The following ACADL variants were observed in gnomAD, a reference collection of about 807,000 sequenced individuals.
ACADL encodes long-chain specific acyl-CoA dehydrogenase, mitochondrial.
Under a neutral mutation model 56.9 loss-of-function variants are expected in ACADL, and 60 were observed. The observed-to-expected ratio is 1.05, with a 90% CI of 0.86 to 1.31. The LOEUF is 1.31. Among genes scored for constraint, ACADL ranks in the 50% most tolerant of loss-of-function variants. The pLI is 0.00. For missense variants in ACADL, 484 were observed against 525.5 expected (o/e 0.92, Z 0.77); for synonymous variants, 158 against 179.7 (o/e 0.88, Z 0.97).
chr2:210,224,569 C>CT (rs1689235197), intron 1 of ACADL: 1 of 985,326 alleles, frequency 1.0e-6, no homozygotes, highest in African/African-American at 1.7e-5. Context: ...TACTTAGACT[C>CT]TGTCTTCATT....
At chr2:210,201,814 TG>T (rs1431611402) in intron 8 of ACADL, among the ~76,000 whole-genome samples, 2 of 152,176 alleles carry the variant, frequency 1.3e-5, no homozygotes, top group Non-Finnish European at 2.9e-5. Context: ...GCATATTTAG[TG>T]ACTGCGGCCA....
Position 210,220,629 on chromosome 2 carries a change from G to A in ACADL, c.233+18C>T, listed in dbSNP as rs762346475. On this transcript the variant is annotated intron_variant, in intron 2 of 10. Coordinates refer to ENST00000233710, the MANE Select transcript of ACADL (RefSeq NM_001608.4). ...TACCCCTAGTATACATTACATTAGA[G>A]GAAAATGTGCCACTTACTCTGAGTG... The A allele has an allele frequency of 6.2e-7, 1 of 1,611,094 alleles. No individual in the cohort carries two copies.
intron 1 of ACADL, among the ~76,000 whole-genome samples, chr2:210,222,982 G>A (rs1689202694): frequency 6.6e-6 from 1 of 152,148 alleles, no homozygotes; most frequent in African/African-American, 2.4e-5. Flanking sequence ...TAGGAAACTG[G>A]GGCTGTAAGA....
intron 8 of ACADL, among the ~76,000 whole-genome samples, chr2:210,201,060 C>T (rs956931807): frequency 6.6e-6 from 1 of 152,172 alleles, no homozygotes; most frequent in South Asian, 2.1e-4. Flanking sequence ...CTGCCCTTTC[C>T]CAACTGATCC....
At chr2:210,224,590 A>C (rs1407175524) in intron 1 of ACADL, 1 of 985,290 alleles carries the variant, frequency 1.0e-6, no homozygotes, top group Non-Finnish European at 1.2e-6. Context: ...AATCCTCTGT[A>C]TTTAGTTAGA....
chr2:210,204,099 G>T (rs1020438136), intron 7 of ACADL, among the ~76,000 whole-genome samples: 3 of 152,128 alleles, frequency 2.0e-5, no homozygotes, highest in African/African-American at 4.8e-5. Flanking sequence ...CCTTACACTG[G>T]CATCTGAGGC....
chr2:210,201,475 A>G (rs1477455625), intron 8 of ACADL, among the ~76,000 whole-genome samples: 1 of 152,228 alleles, frequency 6.6e-6, no homozygotes. Flanking sequence ...TTGCAAATCA[A>G]ATACATTTTA....
At chr2:210,206,574 A>C (rs79853533) in intron 5 of ACADL, among the ~76,000 whole-genome samples, 1,632 of 152,310 alleles carry the variant, frequency 0.011, 26 homozygotes, top group African/African-American at 0.035. Flanking sequence ...CTTCCTTTAA[A>C]ATGGTCTAAA....
chr2:210,190,712 C>T (rs1312877718), intron 10 of ACADL, among the ~76,000 whole-genome samples: 3 of 151,532 alleles, frequency 2.0e-5, no homozygotes, highest in Admixed American at 6.6e-5. Context: ...AAGACAAAAA[C>T]AAAAAAACAA....
intron 5 of ACADL, 48 bp downstream of exon 5, chr2:210,210,148 A>C (rs1230835283): frequency 7.4e-7 from 1 of 1,352,798 alleles, no homozygotes; most frequent in East Asian, 2.3e-5. Context: ...ATTGTTACCC[A>C]TGGCATGACT....
chr2:210,219,219 T>A (rs1329230642), intron 2 of ACADL, among the ~76,000 whole-genome samples: 1 of 152,212 alleles, frequency 6.6e-6, no homozygotes, highest in Non-Finnish European at 1.5e-5. Context: ...TTCTTAACAT[T>A]TTTTCTGGAA....
intron 8 of ACADL, among the ~76,000 whole-genome samples, chr2:210,197,293 T>C (rs1234446943): frequency 6.6e-6 from 1 of 151,914 alleles, no homozygotes; most frequent in Non-Finnish European, 1.5e-5. Context: ...TCCTTCCATC[T>C]CTGTATTCTG....
rs749610049 is a variant in ACADL at position 210,218,505 on chromosome 2, G to A, written c.234-403C>T. 2.0e-5 allele frequency: 4 copies of A among 205,052 alleles called. No individual in the cohort carries two copies. In the South Asian group the frequency reaches 3.1e-4, roughly 16 times the overall value. 12.7% of individuals were successfully genotyped at this position (205,052 alleles called of 1,614,324 possible). The stretch of plus-strand genomic sequence containing the variant: ...TCTTATTATGTTGCCCATGCTGGTC[G>A]TGAACTCTTGGCCTCAAGCAGTCCT... On this transcript the variant is annotated intron_variant, in intron 2 of 10. Transcript: ENST00000233710.
rs61731470 is a variant in ACADL, at chr2:210,220,767, G to A, written c.113C>T (p.Thr38Ile). 0.027 allele frequency: 42,778 copies of A among 1,609,676 alleles called. 706 individuals are homozygous for A. The highest frequency in any genetic ancestry group is 0.035 in the Middle Eastern group (188 of 5,306). The part of the protein sequence containing the change: ...SHSGGEERLE[T>I]PSAKKLTDIG... Reference sequence around the variant, plus strand: ...ATCTGTTAATTTTTTAGCAGAAGGAGTTTCTAGACGTTCTTCCCCTCCGGA... The same window carrying A: ...ATCTGTTAATTTTTTAGCAGAAGGAATTTCTAGACGTTCTTCCCCTCCGGA... Residue 38 changes from threonine to isoleucine, a missense_variant, in exon 2 of 11, where the codon ACT becomes ATT. By Grantham distance (89) the Thr-to-Ile change is moderately conservative. Transcript: ENST00000233710.
In ACADL at chr2:210,205,627, C is replaced by G; in HGVS notation, c.768+5G>C. ...TATCTGAATATGATTTACATTATCA[C>G]TCACCTGGGCTTTTAATCCCATTTT... On this transcript the variant is annotated splice_donor_5th_base_variant and intron_variant, in intron 6 of 10. Coordinates refer to ENST00000233710, the MANE Select transcript of ACADL (RefSeq NM_001608.4). 1.2e-6 allele frequency: 2 copies of G among 1,613,250 alleles called. No homozygotes were observed. The highest frequency in any genetic ancestry group is 1.7e-6 in the Non-Finnish European group (2 of 1,179,382).
chr2:210,202,302 A>G (rs1390152660), intron 8 of ACADL, among the ~76,000 whole-genome samples: 1 of 152,108 alleles, frequency 6.6e-6, no homozygotes, highest in Admixed American at 6.6e-5. Flanking sequence ...CATGTTGGCC[A>G]CGCTAGTCTC....
At chr2:210,198,934 C>T (rs1688752976) in intron 8 of ACADL, among the ~76,000 whole-genome samples, 1 of 152,070 alleles carries the variant, frequency 6.6e-6, no homozygotes. Flanking sequence ...ATTATTGCTA[C>T]ATCCATACGT....
At chr2:210,189,671 A>C (rs190596202) in intron 10 of ACADL, among the ~76,000 whole-genome samples, 13 of 152,106 alleles carry the variant, frequency 8.5e-5, no homozygotes, top group African/African-American at 2.6e-4. Context: ...GAAAAAAAAA[A>C]CCCAAATATC....
At chr2:210,215,708 G>GT (rs1295867816) in intron 4 of ACADL, among the ~76,000 whole-genome samples, 1 of 152,026 alleles carries the variant, frequency 6.6e-6, no homozygotes, top group African/African-American at 2.4e-5. Context: ...ATCTAAATTC[G>GT]TTTTTCCCTA....
Sources: allele counts gnomAD v4.1 joint callset (sites outside exome capture counted in the v4.1 genomes callset), GRCh38; gene constraint gnomAD v4.1.1; transcripts MANE v1.5; gene names NCBI Gene and HGNC (gene_info 2026-07-23, HGNC 2026-07-21).